Variants in ATRNL1 observed in about 807,000 individuals in gnomAD.
ATRNL1 encodes attractin like 1, also known as attractin-like protein 1.
In ATRNL1, 95 loss-of-function variants were observed where a neutral mutation model predicts 182.7. The ratio of observed to expected loss-of-function variants is 0.52; its 90% CI spans 0.44 to 0.62. The LOEUF (loss-of-function observed/expected upper bound fraction) is 0.62, where lower values mean the gene tolerates loss of function less well. ATRNL1 is among the 20% of genes least tolerant of loss of function. The pLI is 0.00. For missense variants in ATRNL1, 1,471 were observed against 1,679.5 expected, an observed-to-expected ratio of 0.88 and a Z score of 2.17; for synonymous variants, 576 against 568.3, an observed-to-expected ratio of 1.01 and a Z score of -0.19.
chr10:115,093,386 AGGCGGGGCCGCGCGCGG>A lies in ATRNL1; in HGVS notation c.-362_-346del. On this transcript the variant is annotated 5_prime_UTR_variant, in exon 1 of 29. Transcript: ENST00000355044. The surrounding 1 kb of genome is among the most constrained non-coding windows in gnomAD (Gnocchi z 6.1). ...AGGCAGTTGGCGCGGGCCGCGGGCG[AGGCGGGGCCGCGCGCGG>A]GGTCCCCTCCTCCTGCCGGTCAGGT... 5.1e-6 allele frequency: 1 copy of A among 196,804 alleles called. No homozygotes were observed. The highest frequency in any genetic ancestry group is 1.0e-5 in the Non-Finnish European group (1 of 98,728). The allele number at this position is 196,804 out of a possible 1,614,324, so 12.2% of individuals were successfully genotyped here. A position where few individuals can be genotyped will look rare whatever the true frequency, so the allele number is the denominator to read the frequency against.
At chr10:115,440,981 T>C (rs1184407850) in intron 21 of ATRNL1, among the ~76,000 whole-genome samples, 1 of 151,806 alleles carries the variant, frequency 6.6e-6, no homozygotes, top group Non-Finnish European at 1.5e-5. Context: ...AGCAAATAGA[T>C]GCGAATGTTC....
chr10:115,200,327 T>C (rs1848516064), intron 8 of ATRNL1, among the ~76,000 whole-genome samples: 2 of 146,428 alleles, frequency 1.4e-5, no homozygotes, highest in Admixed American at 6.8e-5. Flanking sequence ...GCTGCACCCA[T>C]TAACTCGTCA....
chr10:115,394,570 TA>T, intron 19 of ATRNL1, 88 bp from the exon 20 acceptor site: 1 of 1,027,712 alleles, frequency 9.7e-7, no homozygotes, highest in Non-Finnish European at 1.5e-6. Flanking sequence ...TTACAGGACA[TA>T]AAAATAAGGT....
At chr10:115,747,530 A>T (rs1399741331) in intron 27 of ATRNL1, among the ~76,000 whole-genome samples, 2 of 152,038 alleles carry the variant, frequency 1.3e-5, no homozygotes, top group Non-Finnish European at 2.9e-5. Flanking sequence ...AATGAATAGA[A>T]CCCAAATACA....
chr10:115,625,781 C>G (rs565308566), intron 26 of ATRNL1, among the ~76,000 whole-genome samples: 2 of 151,924 alleles, frequency 1.3e-5, no homozygotes, highest in Non-Finnish European at 2.9e-5. Context: ...GATGCCAAGG[C>G]GCATAGGAAT....
intron 26 of ATRNL1, among the ~76,000 whole-genome samples, chr10:115,668,510 A>C: frequency 6.6e-6 from 1 of 152,188 alleles, no homozygotes; most frequent in East Asian, 1.9e-4. Context: ...ATGGAGAATG[A>C]ATATTAAGTT....
chr10:115,290,217 A>C (rs1048630337), intron 15 of ATRNL1, among the ~76,000 whole-genome samples: 5 of 152,112 alleles, frequency 3.3e-5, no homozygotes, highest in South Asian at 2.1e-4. Context: ...TTGATTTTGT[A>C]ACCTGAAACT....
chr10:115,616,966 T>C (rs1165897748), intron 26 of ATRNL1, among the ~76,000 whole-genome samples: 1 of 152,228 alleles, frequency 6.6e-6, no homozygotes, highest in Non-Finnish European at 1.5e-5. Flanking sequence ...ACTGGGGCAC[T>C]GCCTAGTGGA....
chr10:115,121,896 A>C, intron 3 of ATRNL1, 84 bp downstream of exon 3: 4 of 586,690 alleles, frequency 6.8e-6, no homozygotes, highest in Middle Eastern at 3.9e-4. Flanking sequence ...CTGCAAAATA[A>C]ATTTAGTAAA....
chr10:115,469,197 T>G lies in ATRNL1; in HGVS notation c.3522T>G (p.Thr1174=). 1 of 1,338,310 alleles carries G rather than the reference T, an allele frequency of 7.5e-7. No homozygotes were observed. Among genetic ancestry groups the G allele is most frequent in the Non-Finnish European group, 1.0e-6 (1 of 1,001,010 alleles). The allele number at this position is 1,338,310 out of a possible 1,614,324, so 82.9% of individuals were successfully genotyped here. ...STAGTISGEE[T]SIVSKNNIKE... is the part of the protein sequence containing the mutation. ...CTGGAACAATATCTGGGGAAGAGAC[T>G]TCTATAGTTTCCAAGAATAATATAA... is the stretch of plus-strand genomic sequence containing the variant. The change falls in exon 24 of 29, where the codon ACT becomes ACG. Residue 1174 remains threonine, a synonymous_variant. Coordinates refer to ENST00000355044, the MANE Select transcript of ATRNL1 (RefSeq NM_207303.4).
At chr10:115,433,005 A>G (rs911373507) in intron 21 of ATRNL1, among the ~76,000 whole-genome samples, 2 of 152,070 alleles carry the variant, frequency 1.3e-5, no homozygotes, top group African/African-American at 4.8e-5. Flanking sequence ...CTTTAAATAC[A>G]TGTAATTTGC....
chr10:115,367,704 A>G (rs1280344391), intron 19 of ATRNL1, among the ~76,000 whole-genome samples: 10 of 124,460 alleles, frequency 8.0e-5, no homozygotes, highest in African/African-American at 2.6e-4. Flanking sequence ...TTTGGTGTGG[A>G]TGTCCTTTCT....
Position 115,944,688 on chromosome 10 carries a change from T to G in ATRNL1, c.4049T>G (p.Ile1350Ser), listed in dbSNP as rs1282171574. The G allele has an allele frequency of 1.2e-6, 2 of 1,613,284 alleles. No homozygotes were observed. Among genetic ancestry groups the G allele is most frequent in the South Asian group, 2.2e-5 (2 of 90,940 alleles). ...GCAATTGCCAGTGCCCTAATAGATA[T>G]TTCACAACAGAAAGCTTCAGATAGT... The part of the protein sequence containing the change: ...GLAIASALID[I>S]SQQKASDSKD... The change falls in exon 29 of 29, where the codon ATT becomes AGT. Residue 1350 changes from isoleucine (I) to serine (S), a missense_variant. Ile to Ser is a moderately radical substitution (Grantham distance 142, BLOSUM62 -2). This residue lies in a region of ATRNL1 where 437 missense variants were observed against 506.0 expected (regional missense o/e 0.86). Transcript: ENST00000355044.
At chr10:115,747,029 C>T (rs571947090) in intron 27 of ATRNL1, among the ~76,000 whole-genome samples, 17 of 152,118 alleles carry the variant, frequency 1.1e-4, no homozygotes, top group African/African-American at 2.2e-4. Context: ...ATTAAGATAA[C>T]GCTGTTAAAG....
At chr10:115,823,119 G>T (rs782658345) in intron 27 of ATRNL1, among the ~76,000 whole-genome samples, 4 of 152,114 alleles carry the variant, frequency 2.6e-5, no homozygotes, top group Non-Finnish European at 4.4e-5. Flanking sequence ...CTGCAAGTCT[G>T]GTTCAACATA....
chr10:115,369,447 A>T (rs1271946526), intron 19 of ATRNL1, among the ~76,000 whole-genome samples: 38 of 152,106 alleles, frequency 2.5e-4, no homozygotes, highest in Admixed American at 2.4e-3. Context: ...GAATGAGTTG[A>T]TCACTTTTGT....
At chr10:115,780,725 G>T (rs782312497) in intron 27 of ATRNL1, among the ~76,000 whole-genome samples, 2 of 152,176 alleles carry the variant, frequency 1.3e-5, no homozygotes, top group Non-Finnish European at 2.9e-5. Flanking sequence ...GAATCTGCTG[G>T]CCTTGAAAGG....
At chr10:115,223,929 A>ATATT (rs1420143943) in intron 9 of ATRNL1, among the ~76,000 whole-genome samples, 49 of 44,724 alleles carry the variant, frequency 1.1e-3, no homozygotes, top group East Asian at 1.9e-3. Context: ...ATATATATAT[A>ATATT]TTTTTTTTTT....
chr10:115,631,140 G>A (rs1858480362), intron 26 of ATRNL1, among the ~76,000 whole-genome samples: 2 of 151,980 alleles, frequency 1.3e-5, no homozygotes, highest in Admixed American at 6.6e-5. Flanking sequence ...CTATATTCTA[G>A]AGATCTAATG....
Sources: gnomAD v4.1 joint callset for allele counts (sites outside exome capture counted in the v4.1 genomes callset) on GRCh38, gnomAD v4.1.1 for gene constraint, gnomAD v4.1.1 regional missense constraint, Gnocchi (gnomAD v3.1) non-coding constraint, MANE v1.5 for transcripts, NCBI Gene and HGNC (gene_info 2026-07-23, HGNC 2026-07-21) for gene names.